Variants in ZNF33B observed in about 807,000 individuals in gnomAD.
ZNF33B encodes the protein zinc finger protein 11b (KOX 2).
In ZNF33B, 29 loss-of-function variants were observed where a neutral mutation model predicts 45.8. That is an observed-to-expected ratio of 0.63 (90% CI 0.47 to 0.86). ZNF33B has a LOEUF of 0.86. Among genes scored for constraint, ZNF33B ranks in the 40% least tolerant of loss-of-function variants. ZNF33B has a pLI of 0.00. For missense variants in ZNF33B, 831 were observed against 909.9 expected (o/e 0.91, Z 1.12); for synonymous variants, 305 against 307.8 (o/e 0.99, Z 0.10).
chr10:42,634,949 C>A (rs374748963), intron 2 of ZNF33B, among the ~76,000 whole-genome samples: 23 of 152,230 alleles, frequency 1.5e-4, no homozygotes, highest in East Asian at 1.2e-3. Context: ...TGTAAAAAAT[C>A]AGACATTAAA....
chr10:42,605,470 T>C (rs1205629504), intron 4 of ZNF33B, among the ~76,000 whole-genome samples: 1 of 152,080 alleles, frequency 6.6e-6, no homozygotes, highest in Non-Finnish European at 1.5e-5. Flanking sequence ...TAATAACTTG[T>C]CACCTAAAAT....
At chr10:42,617,659 A>G (rs1246177312) in intron 4 of ZNF33B, among the ~76,000 whole-genome samples, 3 of 152,208 alleles carry the variant, frequency 2.0e-5, no homozygotes, top group Admixed American at 2.0e-4. Flanking sequence ...GATACAGAAC[A>G]GTCCCATCAC....
chr10:42,610,147 G>A (rs1838040811), intron 4 of ZNF33B, among the ~76,000 whole-genome samples: 1 of 152,024 alleles, frequency 6.6e-6, no homozygotes, highest in Non-Finnish European at 1.5e-5. Flanking sequence ...GAATCTTAAA[G>A]AATCTACTAA....
chr10:42,614,282 C>G (rs768456623), intron 4 of ZNF33B: 2 of 154,696 alleles, frequency 1.3e-5, no homozygotes, highest in Non-Finnish European at 2.9e-5. Flanking sequence ...TTATATATAC[C>G]TCACCAGGAT....
intron 4 of ZNF33B, among the ~76,000 whole-genome samples, chr10:42,620,580 T>A (rs987375604): frequency 4.0e-5 from 6 of 151,354 alleles, no homozygotes; most frequent in African/African-American, 1.2e-4. Flanking sequence ...TTTTTTTTTT[T>A]AATTTTTTTT....
chr10:42,629,056 G>C (rs1489341600), intron 4 of ZNF33B, among the ~76,000 whole-genome samples: 3 of 152,146 alleles, frequency 2.0e-5, no homozygotes, highest in Non-Finnish European at 4.4e-5. Context: ...GGAATCAACT[G>C]AAGTGTCCAT....
At chr10:42,624,937 G>A (rs1473430637) in intron 4 of ZNF33B, among the ~76,000 whole-genome samples, 1 of 152,044 alleles carries the variant, frequency 6.6e-6, no homozygotes, top group Non-Finnish European at 1.5e-5. Flanking sequence ...CAGAAAAGGG[G>A]AGACTAATGT....
At chr10:42,604,434 G>A (rs981859493) in intron 4 of ZNF33B, among the ~76,000 whole-genome samples, 9 of 151,990 alleles carry the variant, frequency 5.9e-5, no homozygotes, top group Non-Finnish European at 1.2e-4. Context: ...GACACAGCAA[G>A]ACTGTATCAA....
chr10:42,587,002 T>G (rs188141051), downstream of ZNF33B, among the ~76,000 whole-genome samples: 187 of 152,198 alleles, frequency 1.2e-3, 1 homozygote, highest in Non-Finnish European at 2.2e-3. Context: ...TCCTTGCTGT[T>G]TCCTCTTGAG....
chr10:42,609,723 A>G (rs560444927), intron 4 of ZNF33B, among the ~76,000 whole-genome samples: 7 of 152,336 alleles, frequency 4.6e-5, no homozygotes, highest in African/African-American at 1.7e-4. Flanking sequence ...ACAATGATCA[A>G]AGGGGATTTA....
Position 42,621,498 on chromosome 10 carries a change from T to C in ZNF33B, c.250+10431A>G, listed in dbSNP as rs190740054. ...TGACCAAGTGACCAAGGGGGACTTA[T>C]CCTGGAAATGCCTGTGTGGTTCAAC... On this transcript the variant is annotated intron_variant, in intron 4 of 4. Transcript: ENST00000359467. Among the ~76,000 whole-genome samples the C allele has an allele frequency of 1.2e-3, 181 of 151,936 alleles. 1 individual carries two copies. The highest frequency in any genetic ancestry group is 3.4e-3 in the Middle Eastern group (1 of 294).
intron 2 of ZNF33B, among the ~76,000 whole-genome samples, chr10:42,636,331 A>G (rs1839298440): frequency 6.6e-6 from 1 of 152,192 alleles, no homozygotes; most frequent in South Asian, 2.1e-4. Context: ...GGTATCTGCC[A>G]GGAAGTCTTT....
At chr10:42,577,738 G>A (rs993952337) in intron 1 of ZNF33B, among the ~76,000 whole-genome samples, 2 of 152,150 alleles carry the variant, frequency 1.3e-5, no homozygotes, top group Non-Finnish European at 2.9e-5. Flanking sequence ...TGAGTATCCT[G>A]GCAAGTGGAT....
intron 1 of ZNF33B, among the ~76,000 whole-genome samples, chr10:42,575,014 A>G (rs1402256190): frequency 6.6e-6 from 1 of 152,234 alleles, no homozygotes; most frequent in Non-Finnish European, 1.5e-5. Flanking sequence ...CAAGGGTATT[A>G]CATGTCTCCC....
downstream of ZNF33B, among the ~76,000 whole-genome samples, chr10:42,588,526 C>T (rs1306098758): frequency 6.6e-6 from 1 of 152,208 alleles, no homozygotes; most frequent in Non-Finnish European, 1.5e-5. Context: ...GGATTCCCCA[C>T]TCTGATGCTA....
At chr10:42,603,651 A>G (rs1448255063) in intron 4 of ZNF33B, among the ~76,000 whole-genome samples, 2 of 152,220 alleles carry the variant, frequency 1.3e-5, no homozygotes, top group African/African-American at 4.8e-5. Context: ...CAAATTTAAC[A>G]AGAGCAAACT....
intron 4 of ZNF33B, among the ~76,000 whole-genome samples, chr10:42,624,958 A>T (rs1215585533): frequency 6.6e-6 from 1 of 152,150 alleles, no homozygotes; most frequent in Non-Finnish European, 1.5e-5. Flanking sequence ...AATAAGCCTT[A>T]ACACTGGATA....
At chr10:42,616,262 G>T (rs548572373) in intron 4 of ZNF33B, among the ~76,000 whole-genome samples, 15 of 152,058 alleles carry the variant, frequency 9.9e-5, no homozygotes, top group Admixed American at 5.2e-4. Context: ...TGTCAGGAAG[G>T]TTGCACAATC....
At chr10:42,587,411 G>A (rs188438723), downstream of ZNF33B, among the ~76,000 whole-genome samples, 1 of 152,070 alleles carries the variant, frequency 6.6e-6, no homozygotes, top group East Asian at 1.9e-4. Flanking sequence ...TGGCCAGGCT[G>A]ATCTTGAACT....
Sources: allele counts gnomAD v4.1 joint callset (sites outside exome capture counted in the v4.1 genomes callset), GRCh38; gene constraint gnomAD v4.1.1; transcripts MANE v1.5; gene names NCBI Gene and HGNC (gene_info 2026-07-23, HGNC 2026-07-21).